Variants in GRID2 observed in about 807,000 individuals in gnomAD.
GRID2 encodes the protein glutamate ionotropic receptor delta type subunit 2.
In GRID2, 33 loss-of-function variants were observed where a neutral mutation model predicts 114.8. The observed-to-expected ratio is 0.29, with a 90% CI of 0.22 to 0.38. GRID2 has a LOEUF of 0.38. GRID2 is among the 10% of genes least tolerant of loss of function. The pLI, the probability that GRID2 is intolerant of heterozygous loss-of-function variation, is 1.00. For missense variants in GRID2, 1,184 were observed against 1,257.7 expected, an observed-to-expected ratio of 0.94 and a Z score of 0.89; for synonymous variants, 505 against 449.9, an observed-to-expected ratio of 1.12 and a Z score of -1.55.
intron 1 of GRID2, among the ~76,000 whole-genome samples, chr4:92,362,423 A>G (rs1029472463): frequency 6.6e-6 from 1 of 152,028 alleles, no homozygotes; most frequent in Non-Finnish European, 1.5e-5. Flanking sequence ...AGCTCTGTTT[A>G]TTCCAAAAAT....
intron 8 of GRID2, among the ~76,000 whole-genome samples, chr4:93,381,579 A>G (rs1361371226): frequency 6.6e-6 from 1 of 152,040 alleles, no homozygotes; most frequent in African/African-American, 2.4e-5. Flanking sequence ...TATATTTTCT[A>G]TAGCTATTAC....
chr4:93,679,549 G>A (rs1404627792), intron 14 of GRID2, among the ~76,000 whole-genome samples: 6 of 150,772 alleles, frequency 4.0e-5, no homozygotes, highest in East Asian at 3.9e-4. Flanking sequence ...CTCAGCAAAT[G>A]TAAAAGAACA....
intron 8 of GRID2, among the ~76,000 whole-genome samples, chr4:93,382,828 G>C (rs968136345): frequency 6.6e-6 from 1 of 150,948 alleles, no homozygotes; most frequent in Admixed American, 6.6e-5. Flanking sequence ...AATTAGACAT[G>C]TGACTGTAGT....
chr4:93,630,933 A>G (rs997249613), intron 14 of GRID2, among the ~76,000 whole-genome samples: 1 of 152,142 alleles, frequency 6.6e-6, no homozygotes, highest in Non-Finnish European at 1.5e-5. Flanking sequence ...TCAAGCTTAT[A>G]TTCTTATATT....
chr4:92,366,853 G>A (rs1371193387), intron 1 of GRID2, among the ~76,000 whole-genome samples: 5 of 151,924 alleles, frequency 3.3e-5, no homozygotes, highest in African/African-American at 7.2e-5. Context: ...AAACATCTCT[G>A]CACAGCAAAA....
At chr4:92,620,195 T>G (rs1305508382) in intron 2 of GRID2, among the ~76,000 whole-genome samples, 1 of 151,706 alleles carries the variant, frequency 6.6e-6, no homozygotes, top group East Asian at 1.9e-4. Flanking sequence ...TTAATATCTT[T>G]AGGTAATATC....
At chr4:93,548,053 T>C (rs1266325005) in intron 13 of GRID2, among the ~76,000 whole-genome samples, 1 of 152,032 alleles carries the variant, frequency 6.6e-6, no homozygotes, top group Non-Finnish European at 1.5e-5. Context: ...GGTGCGCACC[T>C]GTAATCCCAG....
At chr4:93,231,001 A>C (rs190155981) in intron 7 of GRID2, among the ~76,000 whole-genome samples, 1 of 152,184 alleles carries the variant, frequency 6.6e-6, no homozygotes, top group African/African-American at 2.4e-5. Context: ...TAACTATATA[A>C]ATATAATCAA....
intron 2 of GRID2, among the ~76,000 whole-genome samples, chr4:92,723,509 A>G (rs1447746380): frequency 1.3e-5 from 2 of 152,184 alleles, no homozygotes; most frequent in Non-Finnish European, 2.9e-5. Flanking sequence ...CCTACAGCTC[A>G]GAAACTTGAC....
intron 1 of GRID2, among the ~76,000 whole-genome samples, chr4:92,550,598 C>G (rs1177832120): frequency 6.6e-6 from 1 of 151,970 alleles, no homozygotes; most frequent in Non-Finnish European, 1.5e-5. Flanking sequence ...GGCAGGCTCT[C>G]TGTCTGAGGC....
At chr4:92,362,145 T>C (rs866051756) in intron 1 of GRID2, among the ~76,000 whole-genome samples, 60 of 152,158 alleles carry the variant, frequency 3.9e-4, no homozygotes, top group African/African-American at 1.4e-3. Flanking sequence ...AGCCAAACAA[T>C]ACAATAATGT....
intron 2 of GRID2, among the ~76,000 whole-genome samples, chr4:92,883,342 A>C (rs1746148917): frequency 6.6e-6 from 1 of 152,142 alleles, no homozygotes; most frequent in East Asian, 1.9e-4. Flanking sequence ...TCACATCCAC[A>C]GTTATTTTCT....
intron 2 of GRID2, among the ~76,000 whole-genome samples, chr4:92,892,488 ATTG>A (rs765721208): frequency 3.3e-5 from 5 of 152,042 alleles, no homozygotes; most frequent in Non-Finnish European, 7.4e-5. Context: ...TATTTTCTTC[ATTG>A]TTGTGGAAAT....
intron 14 of GRID2, among the ~76,000 whole-genome samples, chr4:93,708,345 CTAA>C (rs1405740170): frequency 1.3e-5 from 2 of 151,920 alleles, no homozygotes; most frequent in Non-Finnish European, 2.9e-5. Context: ...CTCTTTAGCT[CTAA>C]TAATATTTGC....
intron 2 of GRID2, among the ~76,000 whole-genome samples, chr4:92,713,464 CATATACATATACATATAT>C (rs1288348513): frequency 3.8e-4 from 28 of 73,242 alleles, no homozygotes; most frequent in African/African-American, 1.4e-3. Context: ...CATATATTTA[CATATACATATACATATAT>C]ATATATATAT....
At position 93,314,986 on chromosome 4, in the gene GRID2, T is replaced by C. The variant is rs188693991; in HGVS notation, c.1245+76496T>C. Among the ~76,000 whole-genome samples the C allele has an allele frequency of 1.8e-3, 273 of 152,228 alleles. 2 individuals carry two copies. Among genetic ancestry groups the C allele is most frequent in the African/African-American group, 6.1e-3 (254 of 41,542 alleles). On this transcript the variant is annotated intron_variant, in intron 8 of 15. Transcript: ENST00000282020. ...CTATAAAAAACTTCCTGAGACTGGGTAATTTATAAAGAAAAGAGGTTTAAT... is the reference window on the plus strand; with the variant it reads ...CTATAAAAAACTTCCTGAGACTGGGCAATTTATAAAGAAAAGAGGTTTAAT...
chr4:92,414,074 A>G (rs1357373392), intron 1 of GRID2, among the ~76,000 whole-genome samples: 4 of 152,218 alleles, frequency 2.6e-5, no homozygotes, highest in African/African-American at 4.8e-5. Context: ...TTGCACTGAC[A>G]ATGGTGATAC....
chr4:93,353,900 A>G (rs1761045047), intron 8 of GRID2, among the ~76,000 whole-genome samples: 1 of 151,992 alleles, frequency 6.6e-6, no homozygotes, highest in African/African-American at 2.4e-5. Flanking sequence ...CCCCATGTAT[A>G]AGAGTAGGCA....
intron 14 of GRID2, among the ~76,000 whole-genome samples, chr4:93,759,080 A>G (rs1732995654): frequency 6.6e-6 from 1 of 152,128 alleles, no homozygotes; most frequent in African/African-American, 2.4e-5. Flanking sequence ...CCCAGTACTC[A>G]TTTTATGAAA....
Sources: allele counts gnomAD v4.1 joint callset (sites outside exome capture counted in the v4.1 genomes callset), GRCh38; gene constraint gnomAD v4.1.1; transcripts MANE v1.5; gene names NCBI Gene and HGNC (gene_info 2026-07-23, HGNC 2026-07-21).